CLIP1: variants seen among roughly 807,000 people sequenced by gnomAD.
CLIP1 encodes the protein CAP-Gly domain-containing linker protein 1.
CLIP1 carries 66 observed loss-of-function variants against 161.6 expected under a neutral mutation model. That is an observed-to-expected ratio of 0.41 (90% CI 0.33 to 0.50). CLIP1 has a LOEUF of 0.50. Among genes scored for constraint, CLIP1 ranks in the 20% least tolerant of loss-of-function variants. CLIP1 has a pLI of 0.27. For synonymous variants in CLIP1, 598 were observed against 626.2 expected (o/e 0.96, Z 0.67); for missense variants, 1,376 against 1,702.0 (o/e 0.81, Z 3.37).
In CLIP1 at chr12:122,340,379, G is replaced by C. The variant is rs1311928345; in HGVS notation, c.2451+374C>G. 2.6e-5 allele frequency among the ~76,000 whole-genome samples: 4 copies of C among 151,910 alleles called. No homozygotes were observed. In the East Asian group the frequency reaches 7.7e-4, roughly 29 times the overall value. ...CAGGCGTGAGCCACTGCGCCTGGCC[G>C]ATCTTTTGAGTTTCTGTTCATTCAT... On this transcript the variant is annotated intron_variant, in intron 11 of 25. Coordinates refer to ENST00000620786, the MANE Select transcript of CLIP1 (RefSeq NM_001247997.2).
In CLIP1 at chr12:122,355,645, A is replaced by C; in HGVS notation, c.1006-333T>G. The C allele has an allele frequency of 4.3e-6, 1 of 235,288 alleles. No homozygotes were observed. Among genetic ancestry groups the C allele is most frequent in the Non-Finnish European group, 8.3e-6 (1 of 120,390 alleles). The allele number at this position is 235,288 out of a possible 1,614,324, so 14.6% of individuals were successfully genotyped here. A position where few individuals can be genotyped will look rare whatever the true frequency, so the allele number is the denominator to read the frequency against. On this transcript the variant is annotated intron_variant, in intron 5 of 25. Coordinates refer to ENST00000620786, the MANE Select transcript of CLIP1 (RefSeq NM_001247997.2). The surrounding 1 kb of genome is among the most constrained non-coding windows in gnomAD (Gnocchi z 4.1). ...GATGATGAGACCCCATCTCTACTAA[A>C]AATACAAAAATTAGCTGGAGTGCAG...
At chr12:122,308,101 G>A (rs186938613) in intron 20 of CLIP1, among the ~76,000 whole-genome samples, 59 of 152,332 alleles carry the variant, frequency 3.9e-4, no homozygotes, top group Middle Eastern at 3.4e-3. Flanking sequence ...CTGCTAGGAT[G>A]GAGAGGAGCC....
In CLIP1 at chr12:122,311,396, T is replaced by C. The variant is rs531943994; in HGVS notation, c.3474-1514A>G. Among the ~76,000 whole-genome samples the C allele has an allele frequency of 5.3e-5, 8 of 152,096 alleles. No individual in the cohort carries two copies. In the South Asian group the frequency reaches 6.2e-4, roughly 12 times the overall value. On this transcript the variant is annotated intron_variant, in intron 19 of 25. Coordinates refer to ENST00000620786, the MANE Select transcript of CLIP1 (RefSeq NM_001247997.2). This position sits in a 1 kb window ranked among gnomAD's most constrained non-coding sequence, Gnocchi z 4.3. ...AAAGTGGCCAAAGTATCCTAAAGCATTGACCTATAAAAACAAAATTATTAT... is the reference window on the plus strand; with the variant it reads ...AAAGTGGCCAAAGTATCCTAAAGCACTGACCTATAAAAACAAAATTATTAT...
intron 1 of CLIP1, chr12:122,395,838 G>A (rs1255410438): frequency 1.3e-5 from 2 of 152,220 alleles, no homozygotes; most frequent in South Asian, 2.1e-4. Context: ...CCCGCCAGGC[G>A]TGGTGGCTCA....
intron 20 of CLIP1, among the ~76,000 whole-genome samples, chr12:122,291,104 G>C (rs568156801): frequency 1.3e-5 from 2 of 151,930 alleles, no homozygotes; most frequent in Admixed American, 1.3e-4. Context: ...TGTTGGCCAG[G>C]CTGGTCTCAA....
chr12:122,356,495 G>T (rs1054407705), intron 5 of CLIP1, among the ~76,000 whole-genome samples: 1 of 152,202 alleles, frequency 6.6e-6, no homozygotes, highest in Non-Finnish European at 1.5e-5. Flanking sequence ...AATGAGGTTG[G>T]TGATGAGAAA....
At position 122,272,626 on chromosome 12, in the gene CLIP1, A is replaced by C; in HGVS notation, c.*249T>G. ...CAATAAATGTAATGGCATCTGGTGC[A>C]ATGTCTTCAAACGTAAAAATCAAGA... is the stretch of plus-strand genomic sequence containing the variant. On this transcript the variant is annotated 3_prime_UTR_variant, in exon 26 of 26. Transcript: ENST00000620786. The C allele has an allele frequency of 2.1e-6, 1 of 475,632 alleles. No individual in the cohort carries two copies. Among genetic ancestry groups the C allele is most frequent in the Non-Finnish European group, 3.8e-6 (1 of 262,470 alleles). The allele number at this position is 475,632 out of a possible 1,614,324, so 29.5% of individuals were successfully genotyped here.
At chr12:122,400,694 C>T (rs1956111193) in intron 1 of CLIP1, 1 of 152,086 alleles carries the variant, frequency 6.6e-6, no homozygotes, top group Admixed American at 6.6e-5. Context: ...TGACTAAGCT[C>T]CATGAGATTT....
At chr12:122,394,143 C>A (rs1044659105) in intron 1 of CLIP1, among the ~76,000 whole-genome samples, 1 of 151,980 alleles carries the variant, frequency 6.6e-6, no homozygotes, top group Non-Finnish European at 1.5e-5. Flanking sequence ...CTTAAACTCA[C>A]AGTCAAACTT....
At chr12:122,401,362 T>C (rs909927944) in intron 1 of CLIP1, among the ~76,000 whole-genome samples, 1 of 152,122 alleles carries the variant, frequency 6.6e-6, no homozygotes, top group African/African-American at 2.4e-5. Flanking sequence ...CATCTCTAAT[T>C]ATTAATGAAC....
intron 18 of CLIP1, among the ~76,000 whole-genome samples, chr12:122,318,811 A>C (rs1229692170): frequency 6.6e-6 from 1 of 152,226 alleles, no homozygotes; most frequent in Admixed American, 6.5e-5. Flanking sequence ...GACTCATTCA[A>C]GATGACACAA....
intron 23 of CLIP1, 28 bp from the exon 24 acceptor site, chr12:122,278,231 AC>A (rs1955511858): frequency 7.1e-6 from 11 of 1,548,594 alleles, no homozygotes; most frequent in South Asian, 1.2e-5. Context: ...AAAAAAAAAA[AC>A]AAGTGGAGGG....
chr12:122,401,592 T>C (rs1198915223), intron 1 of CLIP1, among the ~76,000 whole-genome samples: 2 of 151,930 alleles, frequency 1.3e-5, no homozygotes, highest in Non-Finnish European at 2.9e-5. Flanking sequence ...TGCTTAAACC[T>C]GGGAGGCAGA....
At chr12:122,345,942 C>T (rs751046366) in intron 10 of CLIP1, among the ~76,000 whole-genome samples, 8 of 152,036 alleles carry the variant, frequency 5.3e-5, no homozygotes, top group Non-Finnish European at 7.4e-5. Context: ...TGTGTCACCA[C>T]GCCCGGATAA....
Position 122,272,824 on chromosome 12 carries a change from G to T in CLIP1, c.*51C>A. On this transcript the variant is annotated 3_prime_UTR_variant, in exon 26 of 26. Transcript: ENST00000620786. The stretch of plus-strand genomic sequence containing the variant: ...GCACACACAATGCTGGTGTTACGTT[G>T]TGTCAATGCGAGTGCGTCTGAGCAA... 2 of 1,464,994 alleles carry T rather than the reference G, an allele frequency of 1.4e-6. No individual in the cohort carries two copies. The highest frequency in any genetic ancestry group is 1.9e-6 in the Non-Finnish European group (2 of 1,045,458). 90.7% of individuals were successfully genotyped at this position (1,464,994 alleles called of 1,614,324 possible). A position where few individuals can be genotyped will look rare whatever the true frequency, so the allele number is the denominator to read the frequency against.
At chr12:122,294,660 G>A (rs1343187645) in intron 20 of CLIP1, among the ~76,000 whole-genome samples, 1 of 152,074 alleles carries the variant, frequency 6.6e-6, no homozygotes, top group Admixed American at 6.6e-5. Flanking sequence ...CTACTCAGGA[G>A]GCTGAAGTGG....
intron 3 of CLIP1, chr12:122,364,973 A>G (rs1205527561): frequency 4.7e-6 from 2 of 428,624 alleles, no homozygotes; most frequent in Non-Finnish European, 8.9e-6. Flanking sequence ...TTCTCAGTAA[A>G]CTATCGCAAG....
At chr12:122,410,187 A>C (rs930373592) in intron 1 of CLIP1, among the ~76,000 whole-genome samples, 13 of 151,798 alleles carry the variant, frequency 8.6e-5, no homozygotes, top group African/African-American at 3.1e-4. Flanking sequence ...TCTTGCTCTT[A>C]ATCTGCAATC....
At chr12:122,367,555 CAT>C (rs1954231260) in intron 3 of CLIP1, among the ~76,000 whole-genome samples, 1 of 152,172 alleles carries the variant, frequency 6.6e-6, no homozygotes, top group Admixed American at 6.6e-5. Context: ...TTTTATTTCT[CAT>C]GTGTTCCAGA....
Sources: gnomAD v4.1 joint callset for allele counts (sites outside exome capture counted in the v4.1 genomes callset) on GRCh38, gnomAD v4.1.1 for gene constraint, Gnocchi (gnomAD v3.1) non-coding constraint, MANE v1.5 for transcripts, NCBI Gene and HGNC (gene_info 2026-07-23, HGNC 2026-07-21) for gene names.